The following TBC1D21 variants were observed in gnomAD, a reference collection of about 807,000 sequenced individuals.
The protein encoded by TBC1D21 is TBC1 domain family member 21, also known as male germ cell Rab GTPase-activating protein.
A neutral mutation model predicts 46.0 loss-of-function variants in TBC1D21; 38 were observed. The ratio of observed to expected loss-of-function variants is 0.83; its 90% CI spans 0.64 to 1.08. The LOEUF is 1.08. TBC1D21 is among the 50% of genes least tolerant of loss of function. The pLI, the probability that TBC1D21 is intolerant of heterozygous loss-of-function variation, is 0.00. For synonymous variants in TBC1D21, 151 were observed against 157.2 expected (o/e 0.96, Z 0.29); for missense variants, 415 against 417.9 (o/e 0.99, Z 0.06).
chr15:73,888,795 T>G (rs1311035229), intron 10 of TBC1D21, among the ~76,000 whole-genome samples: 1 of 151,892 alleles, frequency 6.6e-6, no homozygotes, highest in East Asian at 1.9e-4. Flanking sequence ...CCATGGCAGG[T>G]GCATTCAACT....
At chr15:73,881,599 G>C in intron 2 of TBC1D21, 45 bp from the exon 3 acceptor site, 1 of 1,603,292 alleles carries the variant, frequency 6.2e-7, no homozygotes, top group Non-Finnish European at 8.5e-7. Context: ...CCTTTTGGTA[G>C]GCATCGATAG....
chr15:73,881,261 T>C, intron 1 of TBC1D21, 138 bp from the exon 2 acceptor site: 1 of 613,378 alleles, frequency 1.6e-6, no homozygotes, highest in South Asian at 2.2e-5. Flanking sequence ...TTCAGTAATG[T>C]CCTCAAGATA....
intron 3 of TBC1D21, 140 bp downstream of exon 3, chr15:73,881,887 G>A: frequency 2.7e-6 from 2 of 730,590 alleles, no homozygotes; most frequent in South Asian, 1.7e-5. Flanking sequence ...CCCAGGCACA[G>A]CACACAGGAG....
At chr15:73,904,047 C>CA in the TBC1D21 span, among the ~76,000 whole-genome samples, 1 of 148,948 alleles carries the variant, frequency 6.7e-6, no homozygotes, top group East Asian at 1.9e-4. Flanking sequence ...GACTCCGTCT[C>CA]AAAAAAATAT....
chr15:73,886,334 G>A (rs1372386294), intron 7 of TBC1D21, among the ~76,000 whole-genome samples, 160 bp downstream of exon 7: 1 of 152,200 alleles, frequency 6.6e-6, no homozygotes, highest in Non-Finnish European at 1.5e-5. Context: ...GATGGGGTTG[G>A]AGCCTGGACA....
intron 5 of TBC1D21, 53 bp from the exon 6 acceptor site, chr15:73,884,950 G>A: frequency 5.0e-6 from 8 of 1,608,328 alleles, no homozygotes; most frequent in Non-Finnish European, 6.0e-6. Flanking sequence ...CCTAAGCCAA[G>A]GGTCCAGGCT....
the TBC1D21 span, among the ~76,000 whole-genome samples, chr15:73,904,887 G>A: frequency 6.6e-6 from 1 of 152,236 alleles, no homozygotes; most frequent in African/African-American, 2.4e-5. Context: ...AAGACAGAGT[G>A]AGACAGCAAA....
At chr15:73,896,892 T>C in the TBC1D21 span, among the ~76,000 whole-genome samples, 1 of 152,198 alleles carries the variant, frequency 6.6e-6, no homozygotes, top group Non-Finnish European at 1.5e-5. Flanking sequence ...GCCCCATGGC[T>C]GACTAGTGGT....
chr15:73,879,811 C>T (rs962984684), intron 1 of TBC1D21, among the ~76,000 whole-genome samples: 8 of 152,316 alleles, frequency 5.3e-5, no homozygotes, highest in South Asian at 2.1e-4. Context: ...TTCTTCTCTC[C>T]AGCAGAAGAG....
the TBC1D21 span, among the ~76,000 whole-genome samples, chr15:73,898,304 C>T: frequency 2.0e-5 from 3 of 152,238 alleles, no homozygotes; most frequent in Non-Finnish European, 2.9e-5. Context: ...TCCCCTGCCA[C>T]GGTCAGGGCT....
Position 73,887,593 on chromosome 15 carries a change from C to T in TBC1D21, c.778-27C>T, listed in dbSNP as rs373817244. 161 of 1,601,144 alleles carry T rather than the reference C, an allele frequency of 1.0e-4. No individual in the cohort carries two copies. The African/African-American group carries it at 1.9e-3, about 19-fold the overall frequency. ...GCATCTGCAGTCTCAGACCACAGGGCCCAGACTGAGACGTCCTGACCCACA... is the reference window on the plus strand; with the variant it reads ...GCATCTGCAGTCTCAGACCACAGGGTCCAGACTGAGACGTCCTGACCCACA... On this transcript the variant is annotated intron_variant, in intron 8 of 10. Coordinates refer to ENST00000300504, the MANE Select transcript of TBC1D21 (RefSeq NM_153356.3).
intron 1 of TBC1D21, among the ~76,000 whole-genome samples, chr15:73,877,655 C>CA: frequency 6.6e-6 from 1 of 151,376 alleles, no homozygotes; most frequent in Non-Finnish European, 1.5e-5. Flanking sequence ...AACATGGATG[C>CA]AAAAATTCTA....
chr15:73,885,035 C>T lies in TBC1D21; in HGVS notation c.511C>T (p.Leu171Phe), dbSNP rs1293844157. 3.1e-6 allele frequency: 5 copies of T among 1,612,796 alleles called. No homozygotes were observed. The highest frequency in any genetic ancestry group is 2.5e-6 in the Non-Finnish European group (3 of 1,179,742). ...YQQGFHEMMM[L>F]FQLMVEHDHE... ...GCAGGGCTTCCATGAGATGATGATG[C>T]TCTTCCAGCTGATGGTGGAGCACGA... The change falls in exon 6 of 11, where the codon CTC (leucine) becomes TTC (phenylalanine). Residue 171 changes from leucine to phenylalanine, a missense_variant. By Grantham distance (22) the Leu-to-Phe change is conservative. Coordinates refer to ENST00000300504, the MANE Select transcript of TBC1D21 (RefSeq NM_153356.3).
At chr15:73,879,403 A>G (rs916309355) in intron 1 of TBC1D21, among the ~76,000 whole-genome samples, 1 of 151,726 alleles carries the variant, frequency 6.6e-6, no homozygotes, top group East Asian at 1.9e-4. Flanking sequence ...TTTTTAGTAG[A>G]TATGGGGTTT....
chr15:73,905,909 AT>A, the TBC1D21 span, among the ~76,000 whole-genome samples: 1 of 151,092 alleles, frequency 6.6e-6, no homozygotes, highest in African/African-American at 2.5e-5. Flanking sequence ...CCCAGGGATC[AT>A]TGTGCCTCCC....
chr15:73,892,351 C>G (rs1005751626), downstream of TBC1D21, among the ~76,000 whole-genome samples: 1 of 152,194 alleles, frequency 6.6e-6, no homozygotes, highest in African/African-American at 2.4e-5. Flanking sequence ...TGAAACCCAC[C>G]CCTTGCTTGC....
At chr15:73,889,399 G>T (rs527284765), downstream of TBC1D21, among the ~76,000 whole-genome samples, 1 of 152,188 alleles carries the variant, frequency 6.6e-6, no homozygotes, top group African/African-American at 2.4e-5. Flanking sequence ...CCAAGGCTGC[G>T]GTGGATCCAT....
At chr15:73,876,225 T>TTTTTTTTTTTTTTTTTTTTTTGTTTG (rs2068063835) in intron 1 of TBC1D21, among the ~76,000 whole-genome samples, 2 of 59,008 alleles carry the variant, frequency 3.4e-5, no homozygotes, top group Non-Finnish European at 6.2e-5. Context: ...TTTTTTTTTT[T>TTTTTTTTTTTTTTTTTTTTTTGTTTG]TTTTTTTTTT....
At chr15:73,880,725 C>T (rs1472504332) in intron 1 of TBC1D21, among the ~76,000 whole-genome samples, 1 of 151,878 alleles carries the variant, frequency 6.6e-6, no homozygotes, top group Non-Finnish European at 1.5e-5. Flanking sequence ...GAGCCGAGAT[C>T]CACCACTGCA....
Sources: gnomAD v4.1 joint callset for allele counts (sites outside exome capture counted in the v4.1 genomes callset) on GRCh38, gnomAD v4.1.1 for gene constraint, MANE v1.5 for transcripts, NCBI Gene and HGNC (gene_info 2026-07-23, HGNC 2026-07-21) for gene names.